Variants in GPR161 observed in about 807,000 individuals in gnomAD.
GPR161 encodes the protein G-protein coupled receptor RE2.
In GPR161, 25 loss-of-function variants were observed where a neutral mutation model predicts 39.2. The ratio of observed to expected loss-of-function variants is 0.64; its 90% CI spans 0.47 to 0.89. The LOEUF (loss-of-function observed/expected upper bound fraction) is 0.89. GPR161 is among the 40% of genes least tolerant of loss of function. The pLI is 0.00. For synonymous variants in GPR161, 286 were observed against 276.6 expected (o/e 1.03, Z -0.34); for missense variants, 547 against 677.8 (o/e 0.81, Z 2.14).
At chr1:168,116,484 G>A (rs1697642596) in intron 1 of GPR161, among the ~76,000 whole-genome samples, 1 of 152,110 alleles carries the variant, frequency 6.6e-6, no homozygotes, top group Non-Finnish European at 1.5e-5. Context: ...TGTGGTGGGG[G>A]TAGGGTTGGG....
At chr1:168,136,513 C>T (rs1699386850) in intron 1 of GPR161, 2 of 1,261,100 alleles carry the variant, frequency 1.6e-6, no homozygotes, top group Middle Eastern at 3.0e-4. Context: ...GCGCCCCCAA[C>T]ATCTTCCCAC....
At chr1:168,127,378 T>C (rs2102251652) in intron 1 of GPR161, among the ~76,000 whole-genome samples, 1 of 151,796 alleles carries the variant, frequency 6.6e-6, no homozygotes, top group African/African-American at 2.4e-5. Context: ...CCAGCTACTC[T>C]GGAGGCTGAG....
In GPR161 at chr1:168,084,706, T is replaced by C. The variant is rs1290671157; in HGVS notation, c.*825A>G. ...CCATAATAACAGTTTCTCTATTTCC[T>C]GGCTGTGCTTGGCACTACAGTCCCA... On this transcript the variant is annotated 3_prime_UTR_variant, in exon 6 of 6. Coordinates refer to ENST00000682931, the MANE Select transcript of GPR161 (RefSeq NM_001375883.1). The C allele has an allele frequency of 2.6e-6, 1 of 387,212 alleles. No individual in the cohort carries two copies. The highest frequency in any genetic ancestry group is 2.1e-5 in the African/African-American group (1 of 47,254). The allele number at this position is 387,212 out of a possible 1,614,324, so 24.0% of individuals were successfully genotyped here. A position where few individuals can be genotyped will look rare whatever the true frequency, so the allele number is the denominator to read the frequency against.
intron 1 of GPR161, among the ~76,000 whole-genome samples, chr1:168,124,753 C>T (rs57179575): frequency 0.28 from 41,918 of 152,100 alleles, 6,546 homozygotes; most frequent in African/African-American, 0.42. Context: ...CTAGAGGTGT[C>T]TGGGTCATGG....
intron 2 of GPR161, among the ~76,000 whole-genome samples, chr1:168,097,749 C>A (rs1695696467): frequency 6.6e-6 from 1 of 152,198 alleles, no homozygotes; most frequent in South Asian, 2.1e-4. Context: ...GAGGCAGACA[C>A]CTGAGCCAAG....
intron 3 of GPR161, among the ~76,000 whole-genome samples, chr1:168,096,133 CAAAAAAAA>C (rs58096092): frequency 0.012 from 522 of 44,828 alleles, 3 homozygotes; most frequent in Non-Finnish European, 0.017. Flanking sequence ...GACCCTGTCT[CAAAAAAAA>C]AAAAAAAAAA....
At position 168,080,084 on chromosome 1, in the gene GPR161, A is replaced by T. The variant is rs1279039086; in HGVS notation, c.*5447T>A. ...TTTGTGCTTTGATGTTTTCAAAGGA[A>T]TCTTCAAGGTATTGGAAATACTTTG... On this transcript the variant is annotated 3_prime_UTR_variant, in exon 6 of 6. Transcript: ENST00000682931. 1.3e-5 allele frequency: 2 copies of T among 152,224 alleles called. No individual in the cohort carries two copies. Among genetic ancestry groups the T allele is most frequent in the African/African-American group, 4.8e-5 (2 of 41,456 alleles). The allele number at this position is 152,224 out of a possible 1,614,324, so 9.4% of individuals were successfully genotyped here. A position where few individuals can be genotyped will look rare whatever the true frequency, so the allele number is the denominator to read the frequency against.
intron 1 of GPR161, among the ~76,000 whole-genome samples, chr1:168,105,536 G>T (rs1257181347): frequency 6.6e-6 from 1 of 152,210 alleles, no homozygotes; most frequent in Non-Finnish European, 1.5e-5. Context: ...CATGGGAATT[G>T]TTCTGAGCTC....
chr1:168,087,639 G>A lies in GPR161; in HGVS notation c.1270C>T (p.Pro424Ser), dbSNP rs963464441. 5 of 1,613,886 alleles carry A rather than the reference G, an allele frequency of 3.1e-6. No individual in the cohort carries two copies. In the African/African-American group the frequency reaches 6.7e-5, roughly 22 times the overall value. Residue 424 changes from proline (P) to serine (S), a missense_variant, in exon 5 of 6, where the codon CCA becomes TCA. Pro to Ser is a moderately conservative substitution (Grantham distance 74, BLOSUM62 -1). Transcript: ENST00000682931. ...DDNPPSHCTC[P>S]PKRRSSVTFE... Reference sequence around the variant, plus strand: ...GTCACCGAGCTCCTTCTCTTGGGTGGGCAAGTGCAGTGAGAGGGAGGGTTG... The same window carrying A: ...GTCACCGAGCTCCTTCTCTTGGGTGAGCAAGTGCAGTGAGAGGGAGGGTTG...
At chr1:168,096,160 AGAG>A (rs1414081828) in intron 3 of GPR161, among the ~76,000 whole-genome samples, 1 of 119,760 alleles carries the variant, frequency 8.4e-6, no homozygotes, top group African/African-American at 3.8e-5. Flanking sequence ...AAAAAAAAAA[AGAG>A]AGAGAGAACT....
intron 1 of GPR161, chr1:168,136,437 C>G (rs886513613): frequency 9.6e-6 from 13 of 1,351,124 alleles, no homozygotes; most frequent in Non-Finnish European, 1.0e-5. Flanking sequence ...GCCGGAGAAA[C>G]GGGGCGGGCT....
intron 5 of GPR161, among the ~76,000 whole-genome samples, chr1:168,086,781 G>GA (rs1338387362): frequency 3.3e-5 from 5 of 152,214 alleles, no homozygotes; most frequent in African/African-American, 1.2e-4. Flanking sequence ...CCAGTGAAGC[G>GA]AATGAACTGT....
At chr1:168,096,301 G>C (rs1163313890) in intron 3 of GPR161, among the ~76,000 whole-genome samples, 1 of 152,178 alleles carries the variant, frequency 6.6e-6, no homozygotes, top group Non-Finnish European at 1.5e-5. Flanking sequence ...TGCTGGCCTT[G>C]TCAGCATGGC....
At chr1:168,091,337 G>C (rs1391482199) in intron 3 of GPR161, among the ~76,000 whole-genome samples, 1 of 152,198 alleles carries the variant, frequency 6.6e-6, no homozygotes, top group East Asian at 1.9e-4. Flanking sequence ...CGGCAGAAGC[G>C]ACCCAGTAAA....
intron 5 of GPR161, among the ~76,000 whole-genome samples, chr1:168,086,685 T>A (rs902009214): frequency 1.3e-5 from 2 of 152,150 alleles, no homozygotes; most frequent in African/African-American, 4.8e-5. Context: ...TTGGGGAGCA[T>A]TTAGTTCATT....
At chr1:168,130,513 C>T (rs1275603044) in intron 1 of GPR161, among the ~76,000 whole-genome samples, 1 of 152,184 alleles carries the variant, frequency 6.6e-6, no homozygotes. Context: ...TGAACCCACA[C>T]CAGAAGCCAA....
intron 1 of GPR161, among the ~76,000 whole-genome samples, chr1:168,115,424 C>A (rs1697538207): frequency 6.6e-6 from 1 of 152,158 alleles, no homozygotes; most frequent in South Asian, 2.1e-4. Context: ...CTGCCTCAGC[C>A]TCCTCTTTTT....
chr1:168,096,398 GC>G, intron 3 of GPR161, 109 bp downstream of exon 3: 1 of 1,102,688 alleles, frequency 9.1e-7, no homozygotes, highest in Non-Finnish European at 1.3e-6. Flanking sequence ...TGTGCTTTGA[GC>G]CTTACCGCCA....
At chr1:168,092,171 C>A (rs1695128009) in intron 3 of GPR161, among the ~76,000 whole-genome samples, 1 of 152,278 alleles carries the variant, frequency 6.6e-6, no homozygotes, top group Non-Finnish European at 1.5e-5. Flanking sequence ...AGAAAGGCCC[C>A]AATCCTTTCC....
Sources: allele counts gnomAD v4.1 joint callset (sites outside exome capture counted in the v4.1 genomes callset), GRCh38; gene constraint gnomAD v4.1.1; transcripts MANE v1.5; gene names NCBI Gene and HGNC (gene_info 2026-07-23, HGNC 2026-07-21).